CADM1: variants seen among roughly 807,000 people sequenced by gnomAD.
CADM1 encodes the protein cell adhesion molecule 1.
CADM1 carries 15 observed loss-of-function variants against 53.1 expected under a neutral mutation model. The ratio of observed to expected loss-of-function variants is 0.28; its 90% CI spans 0.19 to 0.44. The LOEUF (loss-of-function observed/expected upper bound fraction) is 0.44, where lower values mean the gene tolerates loss of function less well. Among genes scored for constraint, CADM1 ranks in the 20% least tolerant of loss-of-function variants. The pLI is 1.00. For missense variants in CADM1, 434 were observed against 611.3 expected (o/e 0.71, Z 3.06); for synonymous variants, 281 against 243.0 (o/e 1.16, Z -1.45).
chr11:115,185,449 G>A (rs767490596), intron 10 of CADM1, among the ~76,000 whole-genome samples: 3 of 152,218 alleles, frequency 2.0e-5, no homozygotes, highest in Admixed American at 6.5e-5. Flanking sequence ...AAGGCCGTCT[G>A]ATTCAGGTTT....
At chr11:115,301,943 T>C (rs1280928693) in intron 1 of CADM1, among the ~76,000 whole-genome samples, 1 of 152,084 alleles carries the variant, frequency 6.6e-6, no homozygotes, top group Non-Finnish European at 1.5e-5. Flanking sequence ...GAACTATACA[T>C]ACACAAAATA....
chr11:115,342,144 G>A (rs549501605), intron 1 of CADM1, among the ~76,000 whole-genome samples: 35 of 152,106 alleles, frequency 2.3e-4, no homozygotes, highest in Non-Finnish European at 3.7e-4. Context: ...CAACTGGAAA[G>A]GCTTTAACTT....
At chr11:115,482,408 G>C (rs1248889315) in intron 1 of CADM1, among the ~76,000 whole-genome samples, 1 of 152,170 alleles carries the variant, frequency 6.6e-6, no homozygotes, top group African/African-American at 2.4e-5. Context: ...GTGCTTATCA[G>C]TGTCTAGCAC....
chr11:115,318,112 G>T (rs1332897051), intron 1 of CADM1, among the ~76,000 whole-genome samples: 1 of 151,968 alleles, frequency 6.6e-6, no homozygotes, highest in African/African-American at 2.4e-5. Flanking sequence ...TAATGCTACT[G>T]TCTAGCAAAG....
rs12284472 is a variant in CADM1, at chr11:115,224,407, T to C, written c.721+4706A>G. Among the ~76,000 whole-genome samples, 755 of 152,222 alleles carry C rather than the reference T, an allele frequency of 5.0e-3. 7 individuals are homozygous for C. The highest frequency in any genetic ancestry group is 0.017 in the African/African-American group (726 of 41,536). ...TGAAAATGATGCCCACGTATACAAT[T>C]AACTGTCAGATGATAATCAGAGCAG... On this transcript the variant is annotated intron_variant, in intron 5 of 11. Coordinates refer to ENST00000331581, the MANE Select transcript of CADM1 (RefSeq NM_001301043.2).
In CADM1 at chr11:115,238,403, T is replaced by C. The variant is rs1445209562; in HGVS notation, c.424+97A>G. 1.5e-5 allele frequency: 20 copies of C among 1,332,536 alleles called. 1 individual carries two copies. Among genetic ancestry groups the C allele is most frequent in the Non-Finnish European group, 2.1e-5 (19 of 924,910 alleles). The allele number at this position is 1,332,536 out of a possible 1,614,324, so 82.5% of individuals were successfully genotyped here. On this transcript the variant is annotated intron_variant, in intron 3 of 11. Coordinates refer to ENST00000331581, the MANE Select transcript of CADM1 (RefSeq NM_001301043.2). ...GGGCGGTGATTCTTCCTGAAACAAG[T>C]TTGAACAGGAGAATTCACCATTAAC... is the stretch of plus-strand genomic sequence containing the variant.
intron 1 of CADM1, among the ~76,000 whole-genome samples, chr11:115,405,059 A>C (rs1947280170): frequency 6.6e-6 from 1 of 152,236 alleles, no homozygotes; most frequent in Admixed American, 6.5e-5. Flanking sequence ...TCCTAGGCTC[A>C]AGCAATCCTC....
rs541209351 is a variant in CADM1 at position 115,471,725 on chromosome 11, G to C, written c.124+32546C>G. Among the ~76,000 whole-genome samples the C allele has an allele frequency of 6.6e-5, 10 of 152,306 alleles. No individual in the cohort carries two copies. In the East Asian group the frequency reaches 1.9e-3, roughly 29 times the overall value. ...CACAATATGGGCTGAGATCGGAGGA[G>C]AGATGGAGTTTGTTGACTGGAGTGA... On this transcript the variant is annotated intron_variant, in intron 1 of 11. Transcript: ENST00000331581.
chr11:115,315,102 T>A (rs1043354484), intron 1 of CADM1, among the ~76,000 whole-genome samples: 1 of 152,126 alleles, frequency 6.6e-6, no homozygotes, highest in Non-Finnish European at 1.5e-5. Flanking sequence ...TCAAAGTACA[T>A]CCCTGTCAGA....
At chr11:115,341,618 C>T (rs1945449803) in intron 1 of CADM1, among the ~76,000 whole-genome samples, 1 of 152,030 alleles carries the variant, frequency 6.6e-6, no homozygotes, top group African/African-American at 2.4e-5. Context: ...AACTGTTGAC[C>T]TAGAAATAAC....
chr11:115,438,220 C>T (rs60814470), intron 1 of CADM1, among the ~76,000 whole-genome samples: 2,260 of 152,208 alleles, frequency 0.015, 59 homozygotes, highest in African/African-American at 0.051. Context: ...AGTTCAAAAT[C>T]ACCACTTTGC....
At chr11:115,198,025 T>C (rs1453233315) in intron 9 of CADM1, among the ~76,000 whole-genome samples, 2 of 152,242 alleles carry the variant, frequency 1.3e-5, no homozygotes, top group African/African-American at 4.8e-5. Context: ...CCTGGGACTA[T>C]GGCCTATATA....
intron 5 of CADM1, among the ~76,000 whole-genome samples, chr11:115,228,102 A>G (rs1941682170): frequency 6.6e-6 from 1 of 152,214 alleles, no homozygotes; most frequent in African/African-American, 2.4e-5. Flanking sequence ...ATGAAGGCAG[A>G]GAGTGGAGTG....
At chr11:115,224,977 C>T (rs558054761) in intron 5 of CADM1, among the ~76,000 whole-genome samples, 2 of 152,086 alleles carry the variant, frequency 1.3e-5, no homozygotes, top group East Asian at 1.9e-4. Flanking sequence ...TCATACAGCT[C>T]GGAACATTAA....
At chr11:115,435,145 G>A (rs1040275330) in intron 1 of CADM1, among the ~76,000 whole-genome samples, 37 of 152,024 alleles carry the variant, frequency 2.4e-4, no homozygotes, top group African/African-American at 8.9e-4. Context: ...ACAGACGTGA[G>A]CCACTGTGCC....
At chr11:115,228,481 A>G (rs1423034800) in intron 5 of CADM1, among the ~76,000 whole-genome samples, 4 of 152,208 alleles carry the variant, frequency 2.6e-5, no homozygotes, top group Non-Finnish European at 5.9e-5. Context: ...CTTAGCCACA[A>G]CCTTGGCATA....
chr11:115,183,088 C>T (rs4938184), intron 10 of CADM1, among the ~76,000 whole-genome samples: 112,772 of 152,090 alleles, frequency 0.74, 42,337 homozygotes, highest in Non-Finnish European at 0.78. Context: ...TGACCTGGCC[C>T]GATCCATTCC....
At chr11:115,329,857 T>C (rs1051281044) in intron 1 of CADM1, among the ~76,000 whole-genome samples, 22 of 151,332 alleles carry the variant, frequency 1.5e-4, no homozygotes, top group African/African-American at 5.3e-4. Flanking sequence ...CCTCTGGAGT[T>C]TGACCATTCC....
At chr11:115,176,913 G>A (rs989187575) in intron 11 of CADM1, among the ~76,000 whole-genome samples, 6 of 152,196 alleles carry the variant, frequency 3.9e-5, no homozygotes, top group South Asian at 2.1e-4. Context: ...GCTGACTAAC[G>A]TATAAACAGT....
Sources: allele counts gnomAD v4.1 joint callset (sites outside exome capture counted in the v4.1 genomes callset), GRCh38; gene constraint gnomAD v4.1.1; transcripts MANE v1.5; gene names NCBI Gene and HGNC (gene_info 2026-07-23, HGNC 2026-07-21).